COPS8: variants seen among roughly 807,000 people sequenced by gnomAD.
The protein encoded by COPS8 is COP9 signalosome subunit 8.
A neutral mutation model predicts 31.5 loss-of-function variants in COPS8; 11 were observed. The observed-to-expected ratio is 0.35, with a 90% CI of 0.22 to 0.58. COPS8 has a LOEUF of 0.58. Among genes scored for constraint, COPS8 ranks in the 20% least tolerant of loss-of-function variants. The pLI is 0.83. For missense variants in COPS8, 215 were observed against 255.1 expected, an observed-to-expected ratio of 0.84 and a Z score of 1.07; for synonymous variants, 81 against 89.3, an observed-to-expected ratio of 0.91 and a Z score of 0.52.
At chr2:237,095,477 AT>A (rs1307097198) in intron 5 of COPS8, among the ~76,000 whole-genome samples, 1 of 152,138 alleles carries the variant, frequency 6.6e-6, no homozygotes, top group Non-Finnish European at 1.5e-5. Context: ...CATCTTTGTT[AT>A]TACTGATATG....
At chr2:237,093,937 G>A (rs1696749701) in intron 4 of COPS8, 153 bp from the exon 5 acceptor site, 6 of 1,381,778 alleles carry the variant, frequency 4.3e-6, no homozygotes, top group Non-Finnish European at 4.7e-6. Context: ...TACATACTGG[G>A]CATATGTATT....
chr2:237,094,559 G>A (rs369221602), intron 5 of COPS8, among the ~76,000 whole-genome samples: 10 of 151,980 alleles, frequency 6.6e-5, no homozygotes, highest in East Asian at 1.9e-4. Context: ...TACCCTAGGC[G>A]CTTGCTTGCT....
At chr2:237,088,726 T>G (rs73999614) in intron 3 of COPS8, 73 bp downstream of exon 3, 14,430 of 945,346 alleles carry the variant, frequency 0.015, 253 homozygotes, top group African/African-American at 0.052. Context: ...TTTTATAAGC[T>G]TATGTTTTCT....
At chr2:237,094,397 A>T (rs530206864) in intron 5 of COPS8, among the ~76,000 whole-genome samples, 200 bp downstream of exon 5, 2 of 152,160 alleles carry the variant, frequency 1.3e-5, no homozygotes, top group Non-Finnish European at 2.9e-5. Context: ...GTTCTATAGC[A>T]AGCAAATGTG....
Position 237,088,663 on chromosome 2 carries a change from C to T in COPS8, c.198+10C>T. The T allele has an allele frequency of 6.4e-7, 1 of 1,553,308 alleles. No homozygotes were observed. The highest frequency in any genetic ancestry group is 8.8e-7 in the Non-Finnish European group (1 of 1,134,188). On this transcript the variant is annotated intron_variant, in intron 3 of 7. Coordinates refer to ENST00000354371, the MANE Select transcript of COPS8 (RefSeq NM_006710.5). ...ACCTGCTATAAAATCTGTAAGTATC[C>T]TTTAAACCTATTTTACTGCTTTAAT...
At chr2:237,095,683 T>C (rs767400813) in intron 5 of COPS8, 139 bp from the exon 6 acceptor site, 18 of 618,972 alleles carry the variant, frequency 2.9e-5, no homozygotes, top group Middle Eastern at 2.7e-4. Flanking sequence ...CTTTGTAATA[T>C]ACCTTTCTAG....
intron 5 of COPS8, among the ~76,000 whole-genome samples, chr2:237,094,683 G>T (rs900688411): frequency 6.6e-6 from 1 of 152,080 alleles, no homozygotes; most frequent in African/African-American, 2.4e-5. Context: ...TATACACCTG[G>T]CCAGGTGCAG....
At position 237,098,042 on chromosome 2, in the gene COPS8, G is replaced by A. The variant is rs900916588; in HGVS notation, c.*300G>A. 7.9e-6 allele frequency: 2 copies of A among 253,066 alleles called. No homozygotes were observed. Among genetic ancestry groups the A allele is most frequent in the Non-Finnish European group, 1.5e-5 (2 of 130,080 alleles). 15.7% of individuals were successfully genotyped at this position (253,066 alleles called of 1,614,324 possible). ...AAGATTTCCTGTTTCATGTAGAATA[G>A]TGTTTGTCAACTGTCTTTTCTCTGT... On this transcript the variant is annotated 3_prime_UTR_variant, in exon 8 of 8. Coordinates refer to ENST00000354371, the MANE Select transcript of COPS8 (RefSeq NM_006710.5).
intron 7 of COPS8, among the ~76,000 whole-genome samples, 175 bp downstream of exon 7, chr2:237,097,044 C>G (rs1696815488): frequency 6.6e-6 from 1 of 152,172 alleles, no homozygotes; most frequent in Non-Finnish European, 1.5e-5. Context: ...ACTGGGCTCC[C>G]CCAGAGCTTG....
intron 3 of COPS8, 72 bp downstream of exon 3, chr2:237,088,725 C>A: frequency 2.1e-6 from 2 of 943,340 alleles, no homozygotes; most frequent in Non-Finnish European, 3.3e-6. Context: ...CTTTTATAAG[C>A]TTATGTTTTC....
In COPS8 at chr2:237,087,148, C is replaced by G. The variant is rs1455443582; in HGVS notation, c.100C>G (p.Pro34Ala). The change falls in exon 2 of 8, where the codon CCC becomes GCC. Residue 34 changes from proline (P) to alanine (A), a missense_variant. Pro to Ala is a conservative substitution (Grantham distance 27, BLOSUM62 -1). Transcript: ENST00000354371. The part of the protein sequence containing the change: ...ELEAPGGIAT[P>A]PVYGQLLALY... ...CTAGGCCCCTGGAGGAATTGCTACACCCCCAGTGTATGGTCAGCTTCTAGC... is the reference window on the plus strand; with the variant it reads ...CTAGGCCCCTGGAGGAATTGCTACAGCCCCAGTGTATGGTCAGCTTCTAGC... 8.1e-6 allele frequency: 13 copies of G among 1,607,400 alleles called. No individual in the cohort carries two copies. The highest frequency in any genetic ancestry group is 3.3e-4 in the Middle Eastern group (2 of 6,064).
intron 7 of COPS8, among the ~76,000 whole-genome samples, chr2:237,097,224 CTTT>C (rs996251270): frequency 4.2e-5 from 4 of 95,982 alleles, no homozygotes; most frequent in Non-Finnish European, 4.4e-5. Context: ...TGTGGGTTTT[CTTT>C]TTTTTTTTTT....
At chr2:237,097,224 C>CTTTTTTTTTTTTTTTTTTTTTT (rs996251270) in intron 7 of COPS8, among the ~76,000 whole-genome samples, 8 of 95,984 alleles carry the variant, frequency 8.3e-5, no homozygotes, top group African/African-American at 3.0e-4. Context: ...TGTGGGTTTT[C>CTTTTTTTTTTTTTTTTTTTTTT]TTTTTTTTTT....
Position 237,100,292 on chromosome 2 carries a change from C to A in COPS8, c.*2550C>A, listed in dbSNP as rs1234996158. The A allele has an allele frequency of 6.6e-6, 1 of 152,164 alleles. No homozygotes were observed. The highest frequency in any genetic ancestry group is 1.5e-5 in the Non-Finnish European group (1 of 68,044). The allele number at this position is 152,164 out of a possible 1,614,324, so 9.4% of individuals were successfully genotyped here. A position where few individuals can be genotyped will look rare whatever the true frequency, so the allele number is the denominator to read the frequency against. On this transcript the variant is annotated 3_prime_UTR_variant, in exon 8 of 8. Coordinates refer to ENST00000354371, the MANE Select transcript of COPS8 (RefSeq NM_006710.5). ...TGTGCTCTGGCTATTTCTGAGCCAG[C>A]CATCTGTGTACAAGTGTAGCCTGAC...
rs565357567 is a variant in COPS8 at position 237,093,010 on chromosome 2, G to A, written c.332-1080G>A. Reference sequence around the variant, plus strand: ...GGGGATAGGTGGAACAGTGTCTGCCGTAGTGGAAAGTTGCTTGTTAAAGTA... The same window carrying A: ...GGGGATAGGTGGAACAGTGTCTGCCATAGTGGAAAGTTGCTTGTTAAAGTA... On this transcript the variant is annotated intron_variant, in intron 4 of 7. Coordinates refer to ENST00000354371, the MANE Select transcript of COPS8 (RefSeq NM_006710.5). 6.6e-5 allele frequency among the ~76,000 whole-genome samples: 10 copies of A among 152,316 alleles called. No individual in the cohort carries two copies. In the East Asian group the frequency reaches 9.6e-4, roughly 15 times the overall value.
In COPS8 at chr2:237,088,743, C is replaced by T. The variant is rs929808459; in HGVS notation, c.198+90C>T. 3.4e-5 allele frequency: 26 copies of T among 774,652 alleles called. 1 individual carries two copies. Among genetic ancestry groups the T allele is most frequent in the East Asian group, 1.3e-4 (5 of 38,422 alleles). The allele number at this position is 774,652 out of a possible 1,614,324, so 48.0% of individuals were successfully genotyped here. On this transcript the variant is annotated intron_variant, in intron 3 of 7. Coordinates refer to ENST00000354371, the MANE Select transcript of COPS8 (RefSeq NM_006710.5). ...TTATAAGCTTATGTTTTCTATCTGA[C>T]GTCCTAGTAATAGTCATCAGATTGG... is the stretch of plus-strand genomic sequence containing the variant.
chr2:237,090,088 G>T, intron 4 of COPS8, 94 bp downstream of exon 4: 2 of 1,267,092 alleles, frequency 1.6e-6, no homozygotes, highest in South Asian at 1.8e-5. Flanking sequence ...GTGTGTTTAA[G>T]TAGATATTTT....
chr2:237,097,224 C>CTTTTTTTTTTTTTTTTTTTTTTT (rs996251270), intron 7 of COPS8, among the ~76,000 whole-genome samples: 7 of 95,988 alleles, frequency 7.3e-5, no homozygotes, highest in African/African-American at 2.7e-4. Context: ...TGTGGGTTTT[C>CTTTTTTTTTTTTTTTTTTTTTTT]TTTTTTTTTT....
chr2:237,097,540 G>A (rs181097361), intron 7 of COPS8, 123 bp from the exon 8 acceptor site: 692 of 671,990 alleles, frequency 1.0e-3, no homozygotes, highest in Non-Finnish European at 1.6e-3. Flanking sequence ...CTAAAACCAG[G>A]ACAAATCTAA....
Sources: allele counts gnomAD v4.1 joint callset (sites outside exome capture counted in the v4.1 genomes callset), GRCh38; gene constraint gnomAD v4.1.1; transcripts MANE v1.5; gene names NCBI Gene and HGNC (gene_info 2026-07-23, HGNC 2026-07-21).